RBFOX1: variants seen among roughly 807,000 people sequenced by gnomAD.
RBFOX1 encodes the protein RNA binding fox-1 homolog 1.
RBFOX1 carries 8 observed loss-of-function variants against 57.7 expected under a neutral mutation model. The ratio of observed to expected loss-of-function variants is 0.14; its 90% confidence interval spans 0.08 to 0.25. RBFOX1 has a LOEUF of 0.25. Among genes scored for constraint, RBFOX1 ranks in the 10% least tolerant of loss-of-function variants. The pLI, the probability that RBFOX1 is intolerant of heterozygous loss-of-function variation, is 1.00. For synonymous variants in RBFOX1, 326 were observed against 222.4 expected (o/e 1.47, Z -4.15); for missense variants, 611 against 548.5 (o/e 1.11, Z -1.14).
intron 4 of RBFOX1, among the ~76,000 whole-genome samples, chr16:7,212,445 T>A (rs1304758597): frequency 6.6e-6 from 1 of 152,154 alleles, no homozygotes; most frequent in Non-Finnish European, 1.5e-5. Flanking sequence ...TAGGCATACT[T>A]GTATCCATGC....
intron 4 of RBFOX1, among the ~76,000 whole-genome samples, chr16:7,409,710 G>C (rs762613547): frequency 2.0e-5 from 3 of 152,124 alleles, no homozygotes; most frequent in Admixed American, 6.5e-5. Flanking sequence ...TCACCACCTT[G>C]ATTTCGTTGG....
chr16:6,247,353 G>C (rs1049228411), intron 1 of RBFOX1, among the ~76,000 whole-genome samples: 5 of 152,124 alleles, frequency 3.3e-5, no homozygotes, highest in African/African-American at 1.2e-4. Flanking sequence ...TTCAGACTTT[G>C]GCAGCTGGTC....
At position 5,615,375 on chromosome 16, in the gene RBFOX1, G is replaced by A. The variant is rs372825341; in HGVS notation, c.318+16414G>A. Among the ~76,000 whole-genome samples the A allele has an allele frequency of 1.4e-4, 22 of 152,348 alleles. 1 individual carries two copies. The East Asian group carries it at 2.1e-3, about 15-fold the overall frequency. ...CTAAGAGGCAAAGCTGCCACTTTTT[G>A]ATGTGTGCTTGATAGACCCTAGAGC... On this transcript the variant is annotated intron_variant, in intron 3 of 19. Transcript: ENST00000641259.
At chr16:6,682,709 CCT>C (rs1271495985) in intron 3 of RBFOX1, among the ~76,000 whole-genome samples, 22 of 151,948 alleles carry the variant, frequency 1.4e-4, no homozygotes, top group Admixed American at 3.9e-4. Flanking sequence ...AAAATTGCCC[CCT>C]GTTTGACGAT....
chr16:5,544,892 G>A (rs996536528), intron 2 of RBFOX1, among the ~76,000 whole-genome samples: 2 of 140,796 alleles, frequency 1.4e-5, no homozygotes, highest in African/African-American at 5.4e-5. Context: ...GATTGAATTT[G>A]TAGTTAAAAA....
intron 4 of RBFOX1, among the ~76,000 whole-genome samples, chr16:7,193,616 A>C (rs561996857): frequency 6.6e-6 from 1 of 152,164 alleles, no homozygotes; most frequent in East Asian, 1.9e-4. Context: ...CAGGTACTAC[A>C]TTGTGTATTC....
intron 2 of RBFOX1, among the ~76,000 whole-genome samples, chr16:5,523,171 A>T (rs774841628): frequency 6.6e-6 from 1 of 152,164 alleles, no homozygotes. Flanking sequence ...CTGTAATTCC[A>T]GCTACTCGGG....
chr16:7,449,406 A>T (rs186748492), intron 4 of RBFOX1, among the ~76,000 whole-genome samples: 22 of 152,302 alleles, frequency 1.4e-4, no homozygotes, highest in Admixed American at 7.2e-4. Context: ...GGATGAATTC[A>T]GAATGAATAG....
intron 1 of RBFOX1, among the ~76,000 whole-genome samples, chr16:6,104,220 TG>T (rs2096350677): frequency 6.6e-6 from 1 of 152,202 alleles, no homozygotes; most frequent in Admixed American, 6.5e-5. Flanking sequence ...TGTGATGTTT[TG>T]CTATCTGTAT....
chr16:7,253,832 A>T (rs941229278), intron 4 of RBFOX1, among the ~76,000 whole-genome samples: 5 of 152,154 alleles, frequency 3.3e-5, no homozygotes, highest in Non-Finnish European at 1.5e-5. Flanking sequence ...ACTGAGTCCA[A>T]GGTCTGCACA....
intron 3 of RBFOX1, among the ~76,000 whole-genome samples, chr16:5,861,248 C>T (rs535891149): frequency 1.3e-5 from 2 of 152,336 alleles, no homozygotes; most frequent in African/African-American, 4.8e-5. Flanking sequence ...ACCATCTTCT[C>T]CCCTTTGATA....
At chr16:7,471,947 G>A (rs531702038) in intron 4 of RBFOX1, among the ~76,000 whole-genome samples, 12 of 152,266 alleles carry the variant, frequency 7.9e-5, no homozygotes, top group Admixed American at 7.8e-4. Context: ...ACGGGCTGAA[G>A]AAGCTGACAA....
intron 2 of RBFOX1, among the ~76,000 whole-genome samples, chr16:6,548,159 A>T (rs139813498): frequency 6.6e-6 from 1 of 152,300 alleles, no homozygotes; most frequent in African/African-American, 2.4e-5. Flanking sequence ...CACTTTACTG[A>T]CATGCCTTGA....
chr16:7,318,937 T>G (rs547060676), intron 4 of RBFOX1, among the ~76,000 whole-genome samples: 1 of 152,234 alleles, frequency 6.6e-6, no homozygotes, highest in African/African-American at 2.4e-5. Context: ...CTAGCCAGAA[T>G]GATAAATAGC....
intron 3 of RBFOX1, among the ~76,000 whole-genome samples, chr16:6,778,342 G>A (rs562142547): frequency 3.9e-5 from 6 of 152,178 alleles, no homozygotes; most frequent in South Asian, 4.1e-4. Flanking sequence ...CCCCAGATTC[G>A]ATAATTAAAA....
intron 2 of RBFOX1, among the ~76,000 whole-genome samples, chr16:6,334,151 G>C (rs1057239078): frequency 6.6e-6 from 1 of 152,160 alleles, no homozygotes; most frequent in African/African-American, 2.4e-5. Context: ...ATGCCGGCTA[G>C]TGGTACTTGG....
intron 3 of RBFOX1, among the ~76,000 whole-genome samples, chr16:6,743,286 G>T (rs2072738952): frequency 6.6e-6 from 1 of 152,052 alleles, no homozygotes; most frequent in Non-Finnish European, 1.5e-5. Context: ...TGGGACAAAT[G>T]AAAAACCAAT....
intron 3 of RBFOX1, among the ~76,000 whole-genome samples, chr16:5,618,211 G>T (rs994925571): frequency 6.6e-6 from 1 of 152,170 alleles, no homozygotes; most frequent in African/African-American, 2.4e-5. Flanking sequence ...GTTTCTGAGA[G>T]TCATAGAGAT....
At chr16:7,129,490 A>G (rs926937458) in intron 4 of RBFOX1, among the ~76,000 whole-genome samples, 20 of 152,166 alleles carry the variant, frequency 1.3e-4, no homozygotes, top group African/African-American at 4.6e-4. Flanking sequence ...GGTAGGGGCA[A>G]TTGGGTAAAT....
Sources: gnomAD v4.1 joint callset for allele counts (sites outside exome capture counted in the v4.1 genomes callset) on GRCh38, gnomAD v4.1.1 for gene constraint, MANE v1.5 for transcripts, NCBI Gene and HGNC (gene_info 2026-07-23, HGNC 2026-07-21) for gene names.